The following COG3 variants were observed in gnomAD, a reference collection of about 807,000 sequenced individuals.
COG3 encodes conserved oligomeric Golgi complex subunit 3.
A neutral mutation model predicts 114.1 loss-of-function variants in COG3; 32 were observed. The ratio of observed to expected loss-of-function variants is 0.28; its 90% CI spans 0.21 to 0.38. The LOEUF is 0.38. Among genes scored for constraint, COG3 ranks in the 10% least tolerant of loss-of-function variants. The probability of loss-of-function intolerance (pLI) is 1.00; values close to 1 mark genes in which losing one functional copy is unlikely to be tolerated. For missense variants in COG3, 813 were observed against 973.2 expected (o/e 0.84, Z 2.19); for synonymous variants, 352 against 365.7 (o/e 0.96, Z 0.43).
chr13:45,511,921 T>C (rs999066129), intron 16 of COG3, 67 bp downstream of exon 16: 6 of 1,243,668 alleles, frequency 4.8e-6, no homozygotes, highest in Admixed American at 1.7e-5. Flanking sequence ...CATTTACTTA[T>C]AGGCACAGAA....
chr13:45,487,258 A>G (rs2985956), intron 8 of COG3, among the ~76,000 whole-genome samples: 1 of 152,096 alleles, frequency 6.6e-6, no homozygotes, highest in Non-Finnish European at 1.5e-5. Context: ...AAAATGGATT[A>G]CAGACTGAAG....
At chr13:45,505,516 G>T (rs1376418378) in intron 14 of COG3, among the ~76,000 whole-genome samples, 9 of 152,040 alleles carry the variant, frequency 5.9e-5, no homozygotes, top group Admixed American at 5.9e-4. Flanking sequence ...TGTTGGCCAG[G>T]CTGGTCTCGA....
chr13:45,470,817 T>G (rs543836645), intron 1 of COG3, among the ~76,000 whole-genome samples: 6 of 152,342 alleles, frequency 3.9e-5, no homozygotes, highest in African/African-American at 1.4e-4. Flanking sequence ...AGTGGTTGCC[T>G]TAGGATTTAC....
intron 1 of COG3, among the ~76,000 whole-genome samples, chr13:45,466,122 C>T (rs906699870): frequency 6.6e-6 from 1 of 152,116 alleles, no homozygotes; most frequent in African/African-American, 2.4e-5. Context: ...ACTGCAACCT[C>T]CACCTCCCGG....
intron 16 of COG3, chr13:45,512,127 C>T (rs996279418): frequency 6.6e-5 from 19 of 286,776 alleles, no homozygotes; most frequent in Non-Finnish European, 9.1e-5. Context: ...GTCCTAGCCA[C>T]TGGGGAAATG....
At chr13:45,518,297 T>G (rs1328130140) in intron 17 of COG3, among the ~76,000 whole-genome samples, 1 of 152,242 alleles carries the variant, frequency 6.6e-6, no homozygotes, top group Non-Finnish European at 1.5e-5. Context: ...TCACATAGAT[T>G]CTAGTTAGTC....
rs945971438 is a variant in COG3 at position 45,517,341 on chromosome 13, T to G, written c.1930+1078T>G. ...TTCCTGTGCCTATCTGATAGTGGAT[T>G]TGATTTAACTCACCCGAGAGCCAGT... On this transcript the variant is annotated intron_variant, in intron 17 of 22. Coordinates refer to ENST00000349995, the MANE Select transcript of COG3 (RefSeq NM_031431.4). 5.3e-4 allele frequency among the ~76,000 whole-genome samples: 80 copies of G among 152,110 alleles called. 1 individual carries two copies. Among genetic ancestry groups the G allele is most frequent in the African/African-American group, 1.9e-3 (77 of 41,538 alleles).
At chr13:45,490,990 A>G in intron 9 of COG3, 32 bp downstream of exon 9, 2 of 1,456,484 alleles carry the variant, frequency 1.4e-6, no homozygotes, top group African/African-American at 1.4e-5. Flanking sequence ...TGATTTCCAC[A>G]TGAACCTTTG....
chr13:45,495,803 G>A (rs1868699689), intron 12 of COG3, among the ~76,000 whole-genome samples: 1 of 152,064 alleles, frequency 6.6e-6, no homozygotes, highest in Non-Finnish European at 1.5e-5. Flanking sequence ...TTGTAAAATG[G>A]GGATGATGAT....
chr13:45,508,702 G>T (rs1185055947), intron 14 of COG3, among the ~76,000 whole-genome samples: 1 of 152,028 alleles, frequency 6.6e-6, no homozygotes, highest in Non-Finnish European at 1.5e-5. Flanking sequence ...ACTTTTCATG[G>T]TTCATTTGAA....
At chr13:45,525,970 C>T (rs980379128) in intron 20 of COG3, among the ~76,000 whole-genome samples, 2 of 146,990 alleles carry the variant, frequency 1.4e-5, no homozygotes, top group African/African-American at 2.5e-5. Context: ...CTGGAATCAA[C>T]TTTTTAATAT....
At chr13:45,500,055 T>TGAGTGA (rs369533191) in intron 13 of COG3, among the ~76,000 whole-genome samples, 1 of 105,632 alleles carries the variant, frequency 9.5e-6, no homozygotes, top group African/African-American at 3.3e-5. Context: ...TGTGTGTGTG[T>TGAGTGA]GTGTGTGTGT....
rs540389515 is a variant in COG3 at position 45,492,008 on chromosome 13, C to G, written c.1096-151C>G. ...ACCTATAATCTCATTATGCAGTCAT[C>G]TATCGAAAACCAACCATTTTCCGTT... On this transcript the variant is annotated intron_variant, in intron 10 of 22. Transcript: ENST00000349995. The G allele has an allele frequency of 6.2e-5, 31 of 496,162 alleles. No individual in the cohort carries two copies. The Admixed American group carries it at 7.2e-4, about 12-fold the overall frequency. 30.7% of individuals were successfully genotyped at this position (496,162 alleles called of 1,614,324 possible).
chr13:45,516,550 T>C (rs1001467057), intron 17 of COG3, among the ~76,000 whole-genome samples: 6 of 152,206 alleles, frequency 3.9e-5, no homozygotes, highest in African/African-American at 1.2e-4. Context: ...AAAATCTGTA[T>C]AATAACTGCT....
intron 4 of COG3, 43 bp downstream of exon 4, chr13:45,480,333 T>A (rs774336481): frequency 7.6e-7 from 1 of 1,319,838 alleles, no homozygotes; most frequent in Non-Finnish European, 1.0e-6. Flanking sequence ...ATATTTAATA[T>A]TTTAAAATAG....
intron 22 of COG3, among the ~76,000 whole-genome samples, chr13:45,534,221 T>C (rs1290237100): frequency 6.6e-6 from 1 of 152,264 alleles, no homozygotes; most frequent in Non-Finnish European, 1.5e-5. Context: ...ACACACTGCA[T>C]AGAACAAGGC....
At chr13:45,512,724 G>GCTTCAGCTTCC (rs1871004826) in intron 16 of COG3, among the ~76,000 whole-genome samples, 1 of 151,826 alleles carries the variant, frequency 6.6e-6, no homozygotes, top group Non-Finnish European at 1.5e-5. Context: ...ACCTCCTGAG[G>GCTTCAGCTTCC]TGAAGCAATT....
intron 1 of COG3, among the ~76,000 whole-genome samples, chr13:45,470,187 A>G (rs1319151779): frequency 6.6e-6 from 1 of 152,202 alleles, no homozygotes; most frequent in Non-Finnish European, 1.5e-5. Context: ...GTATACTGTT[A>G]TTTGGGTTTA....
chr13:45,486,289 T>TCGGGAGACGGGAGA lies in COG3; in HGVS notation c.844-163_844-150dup, dbSNP rs772080989. Among the ~76,000 whole-genome samples, 26 of 108,860 alleles carry TCGGGAGACGGGAGA rather than the reference T, an allele frequency of 2.4e-4. 1 individual carries two copies. The highest frequency in any genetic ancestry group is 5.0e-3 in the Middle Eastern group (1 of 200). 71.4% of individuals were successfully genotyped at this position (108,860 alleles called of 152,430 possible). On this transcript the variant is annotated intron_variant, in intron 7 of 22. Transcript: ENST00000349995. ...TCGGCTCGGCATGAGAGGGAGACCA[T>TCGGGAGACGGGAGA]CGGGAGACGGGAGACGGGAGACGGG...
Sources: gnomAD v4.1 joint callset for allele counts (sites outside exome capture counted in the v4.1 genomes callset) on GRCh38, gnomAD v4.1.1 for gene constraint, MANE v1.5 for transcripts, NCBI Gene and HGNC (gene_info 2026-07-23, HGNC 2026-07-21) for gene names.